The following C1QTNF6 variants were observed in gnomAD, a reference collection of about 807,000 sequenced individuals.
C1QTNF6 encodes C1q and TNF related 6.
Under a neutral mutation model 20.7 loss-of-function variants are expected in C1QTNF6, and 17 were observed. That is an observed-to-expected ratio of 0.82 (90% confidence interval 0.56 to 1.23). The LOEUF (loss-of-function observed/expected upper bound fraction) is 1.23, where lower values mean the gene tolerates loss of function less well. Among genes scored for constraint, C1QTNF6 ranks in the 50% most tolerant of loss-of-function variants. The pLI is 0.00. For missense variants in C1QTNF6, 329 were observed against 389.7 expected (o/e 0.84, Z 1.31); for synonymous variants, 130 against 156.3 (o/e 0.83, Z 1.25).
In C1QTNF6 at chr22:37,180,348, G is replaced by C. The variant is rs1381879970; in HGVS notation, c.*1840C>G. 1.3e-5 allele frequency: 2 copies of C among 152,704 alleles called. No homozygotes were observed. The highest frequency in any genetic ancestry group is 2.1e-4 in the South Asian group (1 of 4,830). The allele number at this position is 152,704 out of a possible 1,614,324, so 9.5% of individuals were successfully genotyped here. A position where few individuals can be genotyped will look rare whatever the true frequency, so the allele number is the denominator to read the frequency against. On this transcript the variant is annotated 3_prime_UTR_variant, in exon 3 of 3. Transcript: ENST00000337843. Reference sequence around the variant, plus strand: ...CTGTGAGCACCAGAGATCACCCCCCGGGGCACCTCAGCCCCAGAGTCTGCA... The same window carrying C: ...CTGTGAGCACCAGAGATCACCCCCCCGGGCACCTCAGCCCCAGAGTCTGCA...
chr22:37,189,969 A>T (rs937281731), upstream of C1QTNF6, among the ~76,000 whole-genome samples: 1 of 152,212 alleles, frequency 6.6e-6, no homozygotes, highest in Non-Finnish European at 1.5e-5. Context: ...CGGAGTTGCT[A>T]GACGATTCCA....
At chr22:37,194,761 C>T (rs1925040147) in intron 2 of C1QTNF6, among the ~76,000 whole-genome samples, 1 of 152,204 alleles carries the variant, frequency 6.6e-6, no homozygotes, top group Admixed American at 6.5e-5. Flanking sequence ...TGGCCCTTGT[C>T]ATCTTTGATC....
rs1448282929 is a variant in C1QTNF6 at position 37,185,235 on chromosome 22, T to C, written c.272A>G (p.Asn91Ser). ...HALPEIRPYINITILKGDKGD... is the reference protein window; with the variant it reads ...HALPEIRPYISITILKGDKGD... The stretch of plus-strand genomic sequence containing the variant: ...GCACTCACCCTTCAGGATGGTGATA[T>C]TAATGTAGGGTCTGATCTCAGGCAG... The change falls in exon 2 of 3, where the codon AAT becomes AGT. Residue 91 changes from asparagine to serine, a missense_variant. Physicochemically the swap from Asn to Ser is conservative, Grantham distance 46. Transcript: ENST00000337843. The C allele has an allele frequency of 6.4e-7, 1 of 1,571,736 alleles. No individual in the cohort carries two copies. Among genetic ancestry groups the C allele is most frequent in the Non-Finnish European group, 8.7e-7 (1 of 1,154,976 alleles).
chr22:37,196,286 G>A (rs945494140), intron 1 of C1QTNF6: 2 of 152,256 alleles, frequency 1.3e-5, no homozygotes, highest in African/African-American at 4.8e-5. Flanking sequence ...TTGCCTCTGG[G>A]TCTGGCAGGG....
chr22:37,185,097 G>T, intron 2 of C1QTNF6, 121 bp downstream of exon 2: 1 of 1,439,944 alleles, frequency 6.9e-7, no homozygotes. Flanking sequence ...GCTCACATTG[G>T]GGCTCAATAA....
At chr22:37,187,494 G>A (rs1243803520) in intron 1 of C1QTNF6, among the ~76,000 whole-genome samples, 11 of 151,250 alleles carry the variant, frequency 7.3e-5, no homozygotes, top group African/African-American at 2.7e-4. Flanking sequence ...ATACTTACAA[G>A]GAAATGACAC....
chr22:37,198,910 T>C (rs1925317275), upstream of C1QTNF6, among the ~76,000 whole-genome samples: 1 of 152,032 alleles, frequency 6.6e-6, no homozygotes, highest in African/African-American at 2.4e-5. Flanking sequence ...AGTTTCGCTC[T>C]CCGGAACCAG....
chr22:37,191,670 A>C (rs1924829077), upstream of C1QTNF6: 1 of 152,164 alleles, frequency 6.6e-6, no homozygotes, highest in Non-Finnish European at 1.5e-5. Flanking sequence ...ACCTTTACTC[A>C]CCGATAAAGG....
chr22:37,184,339 C>T lies in C1QTNF6; in HGVS notation c.289+879G>A, dbSNP rs1295333651. The T allele has an allele frequency of 5.6e-6, 4 of 716,964 alleles. No individual in the cohort carries two copies. The Admixed American group carries it at 8.0e-5, about 14-fold the overall frequency. The allele number at this position is 716,964 out of a possible 1,614,324, so 44.4% of individuals were successfully genotyped here. A position where few individuals can be genotyped will look rare whatever the true frequency, so the allele number is the denominator to read the frequency against. On this transcript the variant is annotated intron_variant, in intron 2 of 2. Transcript: ENST00000337843. This position sits in a 1 kb window ranked among gnomAD's most constrained non-coding sequence, Gnocchi z 4.0. ...GGGAGGAATAAGAAAATATCGACCT[C>T]ACGGGCTGTTGTGGGCAGAGACGGA...
intron 1 of C1QTNF6, chr22:37,186,048 T>C (rs1449017855): frequency 3.0e-6 from 3 of 985,290 alleles, no homozygotes; most frequent in African/African-American, 1.7e-5. Context: ...ACCATAGTTC[T>C]GAAAAAAAAG....
chr22:37,196,238 G>A lies in C1QTNF6; in HGVS notation n.147-780C>T, dbSNP rs1333420030. The A allele has an allele frequency of 4.6e-5, 7 of 152,242 alleles. No individual in the cohort carries two copies. In the East Asian group the frequency reaches 1.3e-3, roughly 29 times the overall value. The allele number at this position is 152,242 out of a possible 1,614,324, so 9.4% of individuals were successfully genotyped here. A position where few individuals can be genotyped will look rare whatever the true frequency, so the allele number is the denominator to read the frequency against. ...GGTCTTCTAGAACTATTCCCTTGTG[G>A]AAATGACCCCCAACAAGTTCACAGG... On this transcript the variant is annotated intron_variant and non_coding_transcript_variant, in intron 1 of 4. Transcript: ENST00000467564.
upstream of C1QTNF6, chr22:37,190,689 A>C (rs918039827): frequency 6.9e-6 from 1 of 144,276 alleles, no homozygotes; most frequent in Non-Finnish European, 1.6e-5. Context: ...TGTTACAAAA[A>C]AAAAAAAAGA....
At chr22:37,186,494 T>C (rs1390869907) in intron 1 of C1QTNF6, among the ~76,000 whole-genome samples, 2 of 152,108 alleles carry the variant, frequency 1.3e-5, no homozygotes, top group Admixed American at 6.5e-5. Context: ...AATTAAGGGG[T>C]AGGACTAGGA....
Position 37,184,278 on chromosome 22 carries a change from T to C in C1QTNF6, c.289+940A>G. 5 of 700,902 alleles carry C rather than the reference T, an allele frequency of 7.1e-6. No homozygotes were observed. The highest frequency in any genetic ancestry group is 2.3e-4 in the Middle Eastern group (1 of 4,266). 43.4% of individuals were successfully genotyped at this position (700,902 alleles called of 1,614,324 possible). A position where few individuals can be genotyped will look rare whatever the true frequency, so the allele number is the denominator to read the frequency against. The stretch of plus-strand genomic sequence containing the variant: ...CCTGGCTCCATCCCTGACAGCTGTG[T>C]GGCCCCAGGAGACTGGGTTTCCCCA... On this transcript the variant is annotated intron_variant, in intron 2 of 2. Transcript: ENST00000337843. This position sits in a 1 kb window ranked among gnomAD's most constrained non-coding sequence, Gnocchi z 4.0.
chr22:37,198,697 GC>G (rs1254364976), upstream of C1QTNF6, among the ~76,000 whole-genome samples: 4 of 151,844 alleles, frequency 2.6e-5, no homozygotes, highest in Non-Finnish European at 5.9e-5. Context: ...CCGGTCCCCG[GC>G]CCCCGCCCGT....
chr22:37,192,901 G>C (rs576216273), upstream of C1QTNF6, among the ~76,000 whole-genome samples: 141 of 152,314 alleles, frequency 9.3e-4, no homozygotes, highest in African/African-American at 3.3e-3. Flanking sequence ...GGCCAGGAAA[G>C]CCTGCAGTTT....
intron 2 of C1QTNF6, 185 bp from the exon 3 acceptor site, chr22:37,182,920 G>A (rs229522): frequency 0.29 from 421,374 of 1,429,598 alleles, 68,274 homozygotes; most frequent in African/African-American, 0.6. Context: ...CATCATGACC[G>A]TCTTCACTTC....
chr22:37,191,459 T>A (rs527626779), upstream of C1QTNF6, among the ~76,000 whole-genome samples: 1 of 152,272 alleles, frequency 6.6e-6, no homozygotes, highest in South Asian at 2.1e-4. Context: ...ATAAGCCAAA[T>A]ATGTCATTTT....
At chr22:37,195,150 G>C (rs1284557500) in intron 2 of C1QTNF6, among the ~76,000 whole-genome samples, 1 of 152,230 alleles carries the variant, frequency 6.6e-6, no homozygotes, top group Admixed American at 6.5e-5. Context: ...AATGAAAAGA[G>C]AATAGTGGTT....
Sources: allele counts gnomAD v4.1 joint callset (sites outside exome capture counted in the v4.1 genomes callset), GRCh38; gene constraint gnomAD v4.1.1; non-coding constraint Gnocchi (gnomAD v3.1); transcripts MANE v1.5; gene names NCBI Gene and HGNC (gene_info 2026-07-23, HGNC 2026-07-21).